DOCK8: variants seen among roughly 807,000 people sequenced by gnomAD.
DOCK8 encodes the protein dedicator of cytokinesis protein 8.
A neutral mutation model predicts 245.6 loss-of-function variants in DOCK8; 141 were observed. The ratio of observed to expected loss-of-function variants is 0.57; its 90% CI spans 0.50 to 0.66. The LOEUF (loss-of-function observed/expected upper bound fraction) is 0.66, where lower values mean the gene tolerates loss of function less well. DOCK8 is among the 30% of genes least tolerant of loss of function. The pLI, the probability that DOCK8 is intolerant of heterozygous loss-of-function variation, is 0.00. For missense variants in DOCK8, 2,965 were observed against 2,603.4 expected, an observed-to-expected ratio of 1.14 and a Z score of -3.02; for synonymous variants, 1,168 against 970.2, an observed-to-expected ratio of 1.20 and a Z score of -3.79.
intron 1 of DOCK8, among the ~76,000 whole-genome samples, chr9:227,931 G>A (rs1364965894): frequency 6.6e-6 from 1 of 152,056 alleles, no homozygotes; most frequent in Non-Finnish European, 1.5e-5. Flanking sequence ...TAGGAGGGTA[G>A]TTACAAAGAT....
chr9:234,800 A>G (rs956536460), intron 1 of DOCK8, among the ~76,000 whole-genome samples: 25 of 148,856 alleles, frequency 1.7e-4, no homozygotes, highest in Admixed American at 1.5e-3. Context: ...CCATTCGTCT[A>G]TTTTTTTTTC....
intron 24 of DOCK8, among the ~76,000 whole-genome samples, chr9:395,250 G>A (rs10739001): frequency 0.54 from 81,717 of 151,882 alleles, 22,763 homozygotes; most frequent in East Asian, 0.74. Context: ...GAGCTTTAGG[G>A]TTTGATGTCC....
chr9:215,281 T>C, intron 1 of DOCK8: 2 of 1,608,338 alleles, frequency 1.2e-6, no homozygotes, highest in Non-Finnish European at 1.7e-6. Flanking sequence ...CCGCCGGGGA[T>C]CCCTTCCCCG....
intron 4 of DOCK8, among the ~76,000 whole-genome samples, chr9:291,254 C>T (rs2049025312): frequency 6.6e-6 from 1 of 152,098 alleles, no homozygotes; most frequent in Admixed American, 6.5e-5. Flanking sequence ...ATGCACGCTT[C>T]TTGGAGTAGT....
Position 317,269 on chromosome 9 carries a change from A to G in DOCK8, c.827+141A>G, listed in dbSNP as rs12350941. 3,286 of 738,376 alleles carry G rather than the reference A, an allele frequency of 4.5e-3. 74 individuals are homozygous for G. In the African/African-American group the frequency reaches 0.047, roughly 11 times the overall value. 45.7% of individuals were successfully genotyped at this position (738,376 alleles called of 1,614,324 possible). On this transcript the variant is annotated intron_variant, in intron 7 of 47. Transcript: ENST00000432829. Reference sequence around the variant, plus strand: ...CAGTGGGCAGCTGTGGAGTAGTAGAAAGGGCACGTTTGAGTCCATTCCTGG... The same window carrying G: ...CAGTGGGCAGCTGTGGAGTAGTAGAGAGGGCACGTTTGAGTCCATTCCTGG...
chr9:381,542 G>A (rs1218369043), intron 21 of DOCK8, among the ~76,000 whole-genome samples: 1 of 152,172 alleles, frequency 6.6e-6, no homozygotes. Context: ...TTGTCAGCAT[G>A]ATATAAAAAT....
At chr9:243,675 T>TC (rs139083191) in intron 1 of DOCK8, among the ~76,000 whole-genome samples, 5,707 of 152,146 alleles carry the variant, frequency 0.038, 353 homozygotes, top group African/African-American at 0.13. Flanking sequence ...TCCCTACCTT[T>TC]CCCCTGCAGC....
chr9:368,299 G>A, intron 15 of DOCK8, 164 bp downstream of exon 15: 1 of 768,188 alleles, frequency 1.3e-6, no homozygotes, highest in Non-Finnish European at 2.4e-6. Context: ...TGGGGAAACA[G>A]GGTCAGTCTT....
intron 6 of DOCK8, among the ~76,000 whole-genome samples, chr9:314,864 T>G (rs2050276396): frequency 6.6e-6 from 1 of 152,136 alleles, no homozygotes; most frequent in South Asian, 2.1e-4. Context: ...AGAGGTAAAC[T>G]AGTATATCCA....
At chr9:382,457 C>G (rs1201892631) in intron 21 of DOCK8, 56 bp from the exon 22 acceptor site, 5 of 1,609,032 alleles carry the variant, frequency 3.1e-6, no homozygotes, top group Non-Finnish European at 4.2e-6. Flanking sequence ...TTCTTAAACT[C>G]AGTAAGTAAC....
chr9:351,757 T>C (rs922219529), intron 14 of DOCK8, among the ~76,000 whole-genome samples: 1 of 152,176 alleles, frequency 6.6e-6, no homozygotes, highest in African/African-American at 2.4e-5. Context: ...AGCAACAGGA[T>C]GGTGATGATG....
chr9:401,290 C>T (rs1373134782), intron 26 of DOCK8, among the ~76,000 whole-genome samples: 1 of 152,178 alleles, frequency 6.6e-6, no homozygotes, highest in African/African-American at 2.4e-5. Flanking sequence ...TTGAGCAGCA[C>T]TTGGACAGGG....
intron 14 of DOCK8, among the ~76,000 whole-genome samples, chr9:367,622 G>A (rs1399677235): frequency 6.6e-6 from 1 of 152,120 alleles, no homozygotes; most frequent in East Asian, 1.9e-4. Flanking sequence ...ATAAAGATTA[G>A]GAAGAAAAAA....
At chr9:226,613 G>T (rs1038425462) in intron 1 of DOCK8, among the ~76,000 whole-genome samples, 2 of 151,970 alleles carry the variant, frequency 1.3e-5, no homozygotes, top group Non-Finnish European at 2.9e-5. Flanking sequence ...ATGGGGTGGG[G>T]CAATGAAAAA....
chr9:312,547 C>T (rs1429810293), intron 6 of DOCK8: 1 of 388,988 alleles, frequency 2.6e-6, no homozygotes, highest in Admixed American at 3.2e-5. Context: ...ATTACTTAAA[C>T]TTTGATGTTC....
At chr9:457,466 G>A (rs7853565) in intron 46 of DOCK8, among the ~76,000 whole-genome samples, 4,158 of 152,306 alleles carry the variant, frequency 0.027, 188 homozygotes, top group African/African-American at 0.095. Context: ...ATAGGGGACT[G>A]ATGGATTTGA....
intron 9 of DOCK8, among the ~76,000 whole-genome samples, chr9:329,437 T>G (rs1278253768): frequency 2.0e-5 from 3 of 152,152 alleles, no homozygotes; most frequent in African/African-American, 7.2e-5. Flanking sequence ...AGATGGCAAA[T>G]GTCTTTTCAC....
chr9:419,246 C>G (rs879517512), intron 30 of DOCK8, among the ~76,000 whole-genome samples: 3 of 152,348 alleles, frequency 2.0e-5, no homozygotes, highest in East Asian at 3.9e-4. Flanking sequence ...ACTTTCTTGT[C>G]TTCCTTCCTG....
intron 33 of DOCK8, among the ~76,000 whole-genome samples, chr9:425,502 GCA>G (rs1564053350): frequency 1.9e-4 from 26 of 140,460 alleles, no homozygotes; most frequent in African/African-American, 6.1e-4. Flanking sequence ...ACTGCACTCT[GCA>G]CTCCAGCCTG....
Sources: allele counts gnomAD v4.1 joint callset (sites outside exome capture counted in the v4.1 genomes callset), GRCh38; gene constraint gnomAD v4.1.1; transcripts MANE v1.5; gene names NCBI Gene and HGNC (gene_info 2026-07-23, HGNC 2026-07-21).